The following SDC3 variants were observed in gnomAD, a reference collection of about 807,000 sequenced individuals.
SDC3 encodes the protein syndecan-3.
SDC3 carries 13 observed loss-of-function variants against 24.4 expected under a neutral mutation model. That is an observed-to-expected ratio of 0.53 (90% CI 0.35 to 0.85). The LOEUF is 0.85. Among genes scored for constraint, SDC3 ranks in the 40% least tolerant of loss-of-function variants. SDC3 has a pLI of 0.01. For synonymous variants in SDC3, 295 were observed against 260.9 expected, an observed-to-expected ratio of 1.13 and a Z score of -1.26; for missense variants, 571 against 584.5, an observed-to-expected ratio of 0.98 and a Z score of 0.24.
chr1:30,888,679 T>C lies in SDC3; in HGVS notation c.139-9939A>G, dbSNP rs538941462. Among the ~76,000 whole-genome samples the C allele has an allele frequency of 2.0e-4, 31 of 152,328 alleles. No individual in the cohort carries two copies. The South Asian group carries it at 2.9e-3, about 14-fold the overall frequency. ...CTGTGGTTCCCCGCACCCTCCTGTT[T>C]GCTGGGTTATTTATAACCAGCCCAA... is the stretch of plus-strand genomic sequence containing the variant. On this transcript the variant is annotated intron_variant, in intron 1 of 4. Transcript: ENST00000339394.
chr1:30,869,875 T>C lies in SDC3; in HGVS notation c.*3336A>G, dbSNP rs1197314865. The C allele has an allele frequency of 2.5e-6, 1 of 398,504 alleles. No homozygotes were observed. The highest frequency in any genetic ancestry group is 4.4e-6 in the Non-Finnish European group (1 of 226,122). The allele number at this position is 398,504 out of a possible 1,614,324, so 24.7% of individuals were successfully genotyped here. ...ACGCTGCCTACGAAAAATATTTACA[T>C]GCATTTGCCACGCTGAGGCCAGGGT... On this transcript the variant is annotated 3_prime_UTR_variant, in exon 5 of 5. Transcript: ENST00000339394.
intron 1 of SDC3, among the ~76,000 whole-genome samples, chr1:30,900,810 G>C (rs1415563591): frequency 6.6e-6 from 1 of 152,122 alleles, no homozygotes; most frequent in African/African-American, 2.4e-5. Flanking sequence ...AGGCAGGGAT[G>C]GGGGAGGGCA....
intron 1 of SDC3, among the ~76,000 whole-genome samples, chr1:30,902,580 C>A (rs2124344127): frequency 6.6e-6 from 1 of 152,352 alleles, no homozygotes; most frequent in East Asian, 1.9e-4. Flanking sequence ...ACCCTGCTCC[C>A]TGCTGGGACA....
intron 3 of SDC3, 33 bp from the exon 4 acceptor site, chr1:30,874,621 C>T: frequency 6.2e-7 from 1 of 1,600,040 alleles, no homozygotes; most frequent in Non-Finnish European, 8.5e-7. Flanking sequence ...CCAGGACAAC[C>T]ACACATGCAT....
At chr1:30,884,465 G>A (rs1377799590) in intron 1 of SDC3, among the ~76,000 whole-genome samples, 1 of 151,980 alleles carries the variant, frequency 6.6e-6, no homozygotes, top group East Asian at 1.9e-4. Flanking sequence ...AAGATATCAT[G>A]GCAGCAGAGC....
chr1:30,878,648 G>A lies in SDC3; in HGVS notation c.231C>T (p.Asp77=). The stretch of plus-strand genomic sequence containing the variant: ...AGCCCGAGCCCGACCCCGAGTAGAG[G>A]TCATCCAGTTCATCATCGGGAAAGG... ...DDSFPDDELD[D]LYSGSGSGYF... Residue 77 remains aspartate, a synonymous_variant, in exon 2 of 5, where the codon GAC becomes GAT. Coordinates refer to ENST00000339394, the MANE Select transcript of SDC3 (RefSeq NM_014654.4). 1 of 1,614,116 alleles carries A rather than the reference G, an allele frequency of 6.2e-7. No homozygotes were observed. The highest frequency in any genetic ancestry group is 1.7e-4 in the Middle Eastern group (1 of 6,060).
chr1:30,890,836 A>G (rs1639893507), intron 1 of SDC3, among the ~76,000 whole-genome samples: 1 of 152,072 alleles, frequency 6.6e-6, no homozygotes, highest in Non-Finnish European at 1.5e-5. Flanking sequence ...TCTTCTTACC[A>G]AGCCTCAGGT....
chr1:30,901,868 T>C (rs1005910565), intron 1 of SDC3, among the ~76,000 whole-genome samples: 13 of 152,170 alleles, frequency 8.5e-5, no homozygotes, highest in African/African-American at 3.1e-4. Context: ...AGTACTTTAT[T>C]TACTTTATTA....
chr1:30,871,176 C>T lies in SDC3; in HGVS notation c.*2035G>A, dbSNP rs1639528014. 6.6e-6 allele frequency: 1 copy of T among 152,262 alleles called. No individual in the cohort carries two copies. Among genetic ancestry groups the T allele is most frequent in the African/African-American group, 2.4e-5 (1 of 41,432 alleles). The allele number at this position is 152,262 out of a possible 1,614,324, so 9.4% of individuals were successfully genotyped here. ...TGGAAAAGACAGGCTGTGGGACAGC[C>T]CCTGGAACCTCCCCCTCACTGCCTA... On this transcript the variant is annotated 3_prime_UTR_variant, in exon 5 of 5. Coordinates refer to ENST00000339394, the MANE Select transcript of SDC3 (RefSeq NM_014654.4).
At chr1:30,882,108 G>A (rs771992975) in intron 1 of SDC3, among the ~76,000 whole-genome samples, 2 of 152,126 alleles carry the variant, frequency 1.3e-5, no homozygotes, top group East Asian at 1.9e-4. Flanking sequence ...CCACATGTGC[G>A]CAGCCTACTT....
chr1:30,873,450 G>T (rs912234348), intron 4 of SDC3, 73 bp from the exon 5 acceptor site: 2 of 1,143,446 alleles, frequency 1.7e-6, no homozygotes, highest in African/African-American at 3.1e-5. Context: ...TCAGGGGTGG[G>T]GGCCAGGGTG....
At chr1:30,876,122 T>TA (rs1370951621) in intron 3 of SDC3, among the ~76,000 whole-genome samples, 1 of 152,200 alleles carries the variant, frequency 6.6e-6, no homozygotes, top group Non-Finnish European at 1.5e-5. Flanking sequence ...AATGAAATGA[T>TA]ACACATTCTA....
At chr1:30,907,829 T>TC (rs1049828586) in intron 1 of SDC3, among the ~76,000 whole-genome samples, 3 of 151,526 alleles carry the variant, frequency 2.0e-5, no homozygotes, top group African/African-American at 7.3e-5. Context: ...CACCTCCACC[T>TC]CCCCTTCCCG....
chr1:30,873,662 G>A (rs1013432618), intron 4 of SDC3, among the ~76,000 whole-genome samples: 2 of 152,124 alleles, frequency 1.3e-5, no homozygotes, highest in Admixed American at 6.5e-5. Context: ...CCACTCATAA[G>A]ATGCCCCAGT....
intron 1 of SDC3, among the ~76,000 whole-genome samples, chr1:30,879,541 C>T (rs1361559558): frequency 6.6e-6 from 1 of 152,150 alleles, no homozygotes; most frequent in African/African-American, 2.4e-5. Flanking sequence ...CTCCCCATGG[C>T]ACTCCCCTCC....
At chr1:30,889,749 G>A (rs1639879372) in intron 1 of SDC3, among the ~76,000 whole-genome samples, 1 of 152,204 alleles carries the variant, frequency 6.6e-6, no homozygotes. Context: ...CACACCACTG[G>A]TGGGAATGTA....
At chr1:30,873,666 C>A (rs1363288813) in intron 4 of SDC3, among the ~76,000 whole-genome samples, 1 of 152,068 alleles carries the variant, frequency 6.6e-6, no homozygotes, top group Non-Finnish European at 1.5e-5. Context: ...TCATAAGATG[C>A]CCCAGTATTT....
Position 30,878,614 on chromosome 1 carries a change from G to T in SDC3, c.256+9C>A. The T allele has an allele frequency of 1.2e-6, 2 of 1,604,724 alleles. No homozygotes were observed. The highest frequency in any genetic ancestry group is 1.7e-6 in the Non-Finnish European group (2 of 1,171,320). On this transcript the variant is annotated intron_variant, in intron 2 of 4. Coordinates refer to ENST00000339394, the MANE Select transcript of SDC3 (RefSeq NM_014654.4). ...GCCCCCAGGCAGAGGTAGGGAGGGG[G>T]GTACTTACAGCCCGAGCCCGACCCC... is the stretch of plus-strand genomic sequence containing the variant.
rs1260317632 is a variant in SDC3 at position 30,876,731 on chromosome 1, A to C, written c.691T>G (p.Ser231Ala). 2 of 1,590,588 alleles carry C rather than the reference A, an allele frequency of 1.3e-6. No homozygotes were observed. The highest frequency in any genetic ancestry group is 1.7e-6 in the Non-Finnish European group (2 of 1,168,132). Residue 231 changes from serine (S) to alanine (A), a missense_variant, in exon 3 of 5, where the codon TCC becomes GCC. Ser to Ala is a moderately conservative substitution (Grantham distance 99). Coordinates refer to ENST00000339394, the MANE Select transcript of SDC3 (RefSeq NM_014654.4). ...AAGACAGCCGCCGTGGTGGGCGGGG[A>C]GGGCGCCTCGGGGGTAGTGGCCCGT... ...TARATTPEAPSPPTTAAVLDT... is the reference protein window; with the variant it reads ...TARATTPEAPAPPTTAAVLDT...
Sources: gnomAD v4.1 joint callset for allele counts (sites outside exome capture counted in the v4.1 genomes callset) on GRCh38, gnomAD v4.1.1 for gene constraint, MANE v1.5 for transcripts, NCBI Gene and HGNC (gene_info 2026-07-23, HGNC 2026-07-21) for gene names.